Variants in NADK2 observed in about 807,000 individuals in gnomAD.
The protein encoded by NADK2 is NAD kinase domain-containing protein 1, mitochondrial.
A neutral mutation model predicts 62.1 loss-of-function variants in NADK2; 35 were observed. The observed-to-expected ratio is 0.56, with a 90% CI of 0.43 to 0.75. The LOEUF is 0.75. NADK2 is among the 30% of genes least tolerant of loss of function. NADK2 has a pLI of 0.00. For missense variants in NADK2, 439 were observed against 561.3 expected (o/e 0.78, Z 2.20); for synonymous variants, 205 against 207.9 (o/e 0.99, Z 0.12).
chr5:36,208,365 G>C (rs1360276814), intron 7 of NADK2, among the ~76,000 whole-genome samples: 1 of 151,974 alleles, frequency 6.6e-6, no homozygotes, highest in African/African-American at 2.4e-5. Flanking sequence ...ATTATGTACA[G>C]ACAAGCCAGC....
chr5:36,199,923 T>C (rs1356194156), intron 10 of NADK2, among the ~76,000 whole-genome samples: 1 of 152,060 alleles, frequency 6.6e-6, no homozygotes, highest in Admixed American at 6.6e-5. Context: ...ATTAATGGCT[T>C]ACTGAATTTA....
At position 36,241,353 on chromosome 5, in the gene NADK2, G is replaced by C. The variant is rs1349271925; in HGVS notation, c.300+146C>G. The C allele has an allele frequency of 1.1e-5, 14 of 1,326,104 alleles. No individual in the cohort carries two copies. Among genetic ancestry groups the C allele is most frequent in the Non-Finnish European group, 1.2e-5 (12 of 1,035,674 alleles). 82.1% of individuals were successfully genotyped at this position (1,326,104 alleles called of 1,614,324 possible). ...GCAAAGGAGGCCCAGGGAGAAGCCA[G>C]AGGACCTGGGGGCCGCGAGAGAGGC... On this transcript the variant is annotated intron_variant, in intron 1 of 11. Transcript: ENST00000381937. The surrounding 1 kb of genome is among the most constrained non-coding windows in gnomAD (Gnocchi z 4.9).
rs573899454 is a variant in NADK2 at position 36,235,610 on chromosome 5, T to C, written c.300+5889A>G. 9.1e-4 allele frequency among the ~76,000 whole-genome samples: 138 copies of C among 152,276 alleles called. No individual in the cohort carries two copies. In the Middle Eastern group the frequency reaches 0.014, roughly 15 times the overall value. The stretch of plus-strand genomic sequence containing the variant: ...AAAGCAGGATTTGTCTACTCTGTTA[T>C]ATCCATGCAGCCACATACTACTAAC... On this transcript the variant is annotated intron_variant, in intron 1 of 11. Coordinates refer to ENST00000381937, the MANE Select transcript of NADK2 (RefSeq NM_001085411.3).
At chr5:36,218,847 T>C (rs1189138993) in intron 5 of NADK2, among the ~76,000 whole-genome samples, 2 of 152,320 alleles carry the variant, frequency 1.3e-5, no homozygotes, top group East Asian at 3.9e-4. Flanking sequence ...AATCTCAGCA[T>C]GGTTGGATTA....
chr5:36,200,378 ATGTGT>A, intron 9 of NADK2, 98 bp from the exon 10 acceptor site: 6 of 548,940 alleles, frequency 1.1e-5, no homozygotes, highest in Non-Finnish European at 1.1e-5. Context: ...TAAAGTGTAT[ATGTGT>A]TATATATATA....
intron 5 of NADK2, 64 bp downstream of exon 5, chr5:36,219,532 A>T: frequency 1.4e-6 from 2 of 1,408,928 alleles, no homozygotes; most frequent in South Asian, 1.2e-5. Flanking sequence ...GTTTTTTAAC[A>T]GCATTATTAA....
At chr5:36,231,654 A>T (rs533444570) in intron 1 of NADK2, among the ~76,000 whole-genome samples, 46 of 152,308 alleles carry the variant, frequency 3.0e-4, no homozygotes, top group South Asian at 6.2e-4. Context: ...GTGAGTACTG[A>T]AGTCCAATAA....
At chr5:36,218,048 T>G (rs1288611188) in intron 5 of NADK2, 164 bp from the exon 6 acceptor site, 2 of 566,964 alleles carry the variant, frequency 3.5e-6, no homozygotes, top group African/African-American at 3.7e-5. Flanking sequence ...TCCTTATCAA[T>G]GACAGATTTG....
At chr5:36,210,704 T>A (rs962528606) in intron 7 of NADK2, among the ~76,000 whole-genome samples, 31 of 152,206 alleles carry the variant, frequency 2.0e-4, no homozygotes, top group African/African-American at 7.2e-4. Flanking sequence ...CAATGTGTGA[T>A]CCTTAATTGG....
intron 1 of NADK2, among the ~76,000 whole-genome samples, chr5:36,231,222 C>T (rs531922577): frequency 1.3e-5 from 2 of 152,152 alleles, no homozygotes; most frequent in Admixed American, 6.5e-5. Context: ...CTTGAGATGG[C>T]GAAAGGGTCT....
chr5:36,234,305 G>A (rs983970882), intron 1 of NADK2, among the ~76,000 whole-genome samples: 4 of 148,954 alleles, frequency 2.7e-5, no homozygotes, highest in African/African-American at 7.5e-5. Context: ...CCCGGGAGGC[G>A]GAGCTTGCAG....
intron 1 of NADK2, among the ~76,000 whole-genome samples, chr5:36,231,321 A>G (rs1359817749): frequency 6.6e-6 from 1 of 152,234 alleles, no homozygotes; most frequent in Non-Finnish European, 1.5e-5. Context: ...CTAAAATTCC[A>G]AATCTAAATA....
intron 1 of NADK2, among the ~76,000 whole-genome samples, chr5:36,238,027 CTG>C (rs1272126882): frequency 6.6e-6 from 1 of 152,134 alleles, no homozygotes; most frequent in Non-Finnish European, 1.5e-5. Flanking sequence ...ACTCTGGTAA[CTG>C]TGTCTAGAAG....
chr5:36,195,304 A>G, intron 11 of NADK2, 22 bp from the exon 12 acceptor site: 3 of 1,563,106 alleles, frequency 1.9e-6, no homozygotes, highest in Middle Eastern at 1.7e-4. Context: ...GAAATATCTC[A>G]TTAAATAGTA....
At chr5:36,225,417 A>G in intron 4 of NADK2, 125 bp downstream of exon 4, 1 of 728,560 alleles carries the variant, frequency 1.4e-6, no homozygotes, top group Non-Finnish European at 2.2e-6. Context: ...ATAGCTTCCA[A>G]ATTTTAAGAC....
intron 7 of NADK2, chr5:36,208,660 G>A (rs1253828846): frequency 1.3e-6 from 2 of 1,533,526 alleles, no homozygotes; most frequent in Non-Finnish European, 1.7e-6. Flanking sequence ...TTCTTAAATT[G>A]TCCACTGCTA....
At chr5:36,204,371 C>T (rs1435856238) in intron 8 of NADK2, among the ~76,000 whole-genome samples, 1 of 152,070 alleles carries the variant, frequency 6.6e-6, no homozygotes, top group Admixed American at 6.6e-5. Flanking sequence ...ACTTGCAGGC[C>T]AGTACTCTTT....
At chr5:36,240,889 T>G (rs1748083639) in intron 1 of NADK2, among the ~76,000 whole-genome samples, 1 of 152,190 alleles carries the variant, frequency 6.6e-6, no homozygotes, top group Non-Finnish European at 1.5e-5. Flanking sequence ...GACCTGTGCT[T>G]TTAAAACAAG....
At chr5:36,196,985 AT>A (rs893137255) in intron 11 of NADK2, among the ~76,000 whole-genome samples, 14 of 152,114 alleles carry the variant, frequency 9.2e-5, no homozygotes, top group African/African-American at 3.1e-4. Flanking sequence ...TTTTCTCCGA[AT>A]TTTAGATTTT....
Sources: gnomAD v4.1 joint callset for allele counts (sites outside exome capture counted in the v4.1 genomes callset) on GRCh38, gnomAD v4.1.1 for gene constraint, Gnocchi (gnomAD v3.1) non-coding constraint, MANE v1.5 for transcripts, NCBI Gene and HGNC (gene_info 2026-07-23, HGNC 2026-07-21) for gene names.